Variants in CNTNAP2 observed in about 807,000 individuals in gnomAD.
CNTNAP2 encodes the protein contactin associated protein 2.
A neutral mutation model predicts 155.2 loss-of-function variants in CNTNAP2; 98 were observed. The observed-to-expected ratio is 0.63, with a 90% confidence interval of 0.54 to 0.75. CNTNAP2 has a LOEUF of 0.75. Among genes scored for constraint, CNTNAP2 ranks in the 30% least tolerant of loss-of-function variants. The pLI, the probability that CNTNAP2 is intolerant of heterozygous loss-of-function variation, is 0.00. For synonymous variants in CNTNAP2, 651 were observed against 631.2 expected, an observed-to-expected ratio of 1.03 and a Z score of -0.47; for missense variants, 1,727 against 1,688.1, an observed-to-expected ratio of 1.02 and a Z score of -0.40.
At chr7:148,336,393 G>A (rs918760758) in intron 21 of CNTNAP2, among the ~76,000 whole-genome samples, 8 of 151,854 alleles carry the variant, frequency 5.3e-5, no homozygotes, top group African/African-American at 1.9e-4. Flanking sequence ...CAGTTGATAT[G>A]CTTCTCAGAG....
intron 3 of CNTNAP2, among the ~76,000 whole-genome samples, chr7:146,956,778 T>C (rs1797446936): frequency 6.6e-6 from 1 of 152,162 alleles, no homozygotes; most frequent in African/African-American, 2.4e-5. Context: ...TCATAGACTA[T>C]TGTGTTTTGA....
At chr7:146,138,447 C>T (rs561371193) in intron 1 of CNTNAP2, among the ~76,000 whole-genome samples, 47 of 152,054 alleles carry the variant, frequency 3.1e-4, no homozygotes, top group Non-Finnish European at 6.5e-4. Flanking sequence ...AGTTCTCTTT[C>T]AATATTACTA....
chr7:148,064,903 C>G (rs1304869087), intron 15 of CNTNAP2, among the ~76,000 whole-genome samples: 1 of 152,058 alleles, frequency 6.6e-6, no homozygotes, highest in Non-Finnish European at 1.5e-5. Flanking sequence ...TGGGCTCTTT[C>G]AGACTTTTTG....
At chr7:147,350,674 C>A (rs1172093872) in intron 9 of CNTNAP2, among the ~76,000 whole-genome samples, 1 of 151,660 alleles carries the variant, frequency 6.6e-6, no homozygotes, top group African/African-American at 2.4e-5. Context: ...CCTTACAGTA[C>A]CCTATTGTAT....
At chr7:147,026,912 TAA>T (rs35008433) in intron 3 of CNTNAP2, among the ~76,000 whole-genome samples, 6,317 of 122,284 alleles carry the variant, frequency 0.052, 178 homozygotes, top group African/African-American at 0.078. Flanking sequence ...GTCTCAGTGC[TAA>T]AAAAAAAAAA....
chr7:147,137,459 A>G (rs983470059), intron 8 of CNTNAP2, among the ~76,000 whole-genome samples: 10 of 151,652 alleles, frequency 6.6e-5, no homozygotes, highest in African/African-American at 2.2e-4. Context: ...ATTTTCTCCA[A>G]TAAACATCAA....
At chr7:146,450,935 ATATT>A (rs60956135) in intron 1 of CNTNAP2, among the ~76,000 whole-genome samples, 14 of 148,740 alleles carry the variant, frequency 9.4e-5, no homozygotes, top group African/African-American at 2.5e-4. Flanking sequence ...CATAGTAAAA[ATATT>A]TATTTATTTA....
chr7:147,643,123 A>C (rs117309750), intron 13 of CNTNAP2, among the ~76,000 whole-genome samples: 2,297 of 145,098 alleles, frequency 0.016, 191 homozygotes, highest in Admixed American at 0.14. Flanking sequence ...ATTGAGAAAC[A>C]CTGTCTTTAA....
chr7:147,546,652 G>T (rs1038444807), intron 11 of CNTNAP2, among the ~76,000 whole-genome samples: 1 of 152,178 alleles, frequency 6.6e-6, no homozygotes, highest in African/African-American at 2.4e-5. Context: ...TGACCCCTTG[G>T]AGCTTGGGTG....
At chr7:148,263,594 G>A (rs930912356) in intron 20 of CNTNAP2, among the ~76,000 whole-genome samples, 2 of 151,916 alleles carry the variant, frequency 1.3e-5, no homozygotes, top group South Asian at 2.1e-4. Context: ...AAAATTAGCC[G>A]GGCGTGGTGG....
At chr7:146,828,020 A>AT (rs1356050398) in intron 2 of CNTNAP2, among the ~76,000 whole-genome samples, 1 of 152,082 alleles carries the variant, frequency 6.6e-6, no homozygotes, top group East Asian at 1.9e-4. Context: ...ATCTTTAAAG[A>AT]TTTTTTGTAC....
intron 13 of CNTNAP2, among the ~76,000 whole-genome samples, chr7:147,789,271 T>C (rs1797785010): frequency 6.6e-6 from 1 of 152,146 alleles, no homozygotes; most frequent in Non-Finnish European, 1.5e-5. Flanking sequence ...ACCTACCCTA[T>C]ATCTAACTTC....
At chr7:146,474,395 TTTTA>T (rs1297706577) in intron 1 of CNTNAP2, among the ~76,000 whole-genome samples, 3 of 147,728 alleles carry the variant, frequency 2.0e-5, no homozygotes, top group East Asian at 1.9e-4. Flanking sequence ...TCCCTTCTTA[TTTTA>T]TTTATTTATT....
intron 2 of CNTNAP2, among the ~76,000 whole-genome samples, chr7:146,812,139 C>G (rs1322186542): frequency 6.6e-6 from 1 of 152,002 alleles, no homozygotes; most frequent in Non-Finnish European, 1.5e-5. Context: ...GAGCTTGGAA[C>G]AGTTTAGAGG....
chr7:146,772,987 C>CTGTA (rs1427589157), intron 1 of CNTNAP2, among the ~76,000 whole-genome samples: 1 of 152,108 alleles, frequency 6.6e-6, no homozygotes, highest in Non-Finnish European at 1.5e-5. Context: ...TCTCTGGAAG[C>CTGTA]TGTATGTGCC....
At chr7:146,720,549 GA>G (rs1344602522) in intron 1 of CNTNAP2, among the ~76,000 whole-genome samples, 1 of 152,102 alleles carries the variant, frequency 6.6e-6, no homozygotes, top group South Asian at 2.1e-4. Flanking sequence ...TTTTATTAAA[GA>G]ATTATCCTTC....
At chr7:146,936,990 G>T (rs1796929508) in intron 3 of CNTNAP2, among the ~76,000 whole-genome samples, 1 of 152,144 alleles carries the variant, frequency 6.6e-6, no homozygotes, top group Admixed American at 6.5e-5. Context: ...TGAGTTCTAG[G>T]TTGGTTTTGG....
intron 1 of CNTNAP2, among the ~76,000 whole-genome samples, chr7:146,393,875 A>G (rs1041560705): frequency 6.6e-6 from 1 of 152,192 alleles, no homozygotes; most frequent in Non-Finnish European, 1.5e-5. Flanking sequence ...GCATATCTGC[A>G]TGTAGCCTCC....
chr7:148,336,521 C>A (rs1798117069), intron 21 of CNTNAP2, among the ~76,000 whole-genome samples: 1 of 145,894 alleles, frequency 6.9e-6, no homozygotes, highest in Admixed American at 7.1e-5. Flanking sequence ...TCCTGTCTAA[C>A]CTACACTTCC....
Sources: gnomAD v4.1 joint callset for allele counts (sites outside exome capture counted in the v4.1 genomes callset) on GRCh38, gnomAD v4.1.1 for gene constraint, MANE v1.5 for transcripts, NCBI Gene and HGNC (gene_info 2026-07-23, HGNC 2026-07-21) for gene names.